The following CSMD1 variants were observed in gnomAD, a reference collection of about 807,000 sequenced individuals.
CSMD1 encodes CUB and Sushi multiple domains 1.
In CSMD1, 213 loss-of-function variants were observed where a neutral mutation model predicts 417.5. The ratio of observed to expected loss-of-function variants is 0.51; its 90% CI spans 0.46 to 0.57. CSMD1 has a LOEUF of 0.57. Ranked by LOEUF, CSMD1 falls within the 20% of genes least tolerant of loss-of-function variation. The probability of loss-of-function intolerance (pLI) is 0.00; values close to 1 mark genes in which losing one functional copy is unlikely to be tolerated. For missense variants in CSMD1, 6,923 were observed against 4,529.7 expected, an observed-to-expected ratio of 1.53 and a Z score of -15.17; for synonymous variants, 2,862 against 1,736.8, an observed-to-expected ratio of 1.65 and a Z score of -16.11.
At chr8:4,099,827 C>A (rs1801213919) in intron 3 of CSMD1, among the ~76,000 whole-genome samples, 1 of 152,142 alleles carries the variant, frequency 6.6e-6, no homozygotes, top group African/African-American at 2.4e-5. Context: ...ATTGTATCCA[C>A]ATCTTGCTCC....
chr8:4,020,733 T>C (rs185056909), intron 4 of CSMD1, among the ~76,000 whole-genome samples: 2 of 152,234 alleles, frequency 1.3e-5, no homozygotes, highest in Non-Finnish European at 2.9e-5. Context: ...TTCTGTAATC[T>C]TCATTCATTA....
chr8:3,887,868 G>C (rs942312539), intron 5 of CSMD1, among the ~76,000 whole-genome samples: 5 of 152,158 alleles, frequency 3.3e-5, no homozygotes, highest in African/African-American at 9.7e-5. Flanking sequence ...TCTTATTCAT[G>C]CTTTTATGTA....
chr8:3,544,968 C>T (rs1471444896), intron 10 of CSMD1, among the ~76,000 whole-genome samples: 1 of 150,994 alleles, frequency 6.6e-6, no homozygotes, highest in Non-Finnish European at 1.5e-5. Context: ...CATGTGTCAA[C>T]TTGATCCTTC....
At chr8:4,938,475 A>G (rs769863910) in intron 1 of CSMD1, among the ~76,000 whole-genome samples, 8 of 152,180 alleles carry the variant, frequency 5.3e-5, no homozygotes, top group Non-Finnish European at 8.8e-5. Context: ...ATTTTCACAA[A>G]TGGTTTGACA....
chr8:3,836,810 T>G (rs548020379), intron 5 of CSMD1, among the ~76,000 whole-genome samples: 1 of 152,318 alleles, frequency 6.6e-6, no homozygotes, highest in East Asian at 1.9e-4. Context: ...TCTCACAGTT[T>G]AAATAATTTT....
intron 10 of CSMD1, among the ~76,000 whole-genome samples, chr8:3,527,676 G>A (rs938006937): frequency 2.6e-5 from 4 of 152,106 alleles, no homozygotes; most frequent in African/African-American, 9.7e-5. Flanking sequence ...CCAATTTGCT[G>A]GCTCTGCTTT....
At chr8:4,548,230 T>A (rs1392027625) in intron 2 of CSMD1, among the ~76,000 whole-genome samples, 1 of 152,182 alleles carries the variant, frequency 6.6e-6, no homozygotes, top group Non-Finnish European at 1.5e-5. Context: ...ATAAAAAATG[T>A]ACGTTGAGTG....
chr8:3,926,825 C>T (rs190817713), intron 5 of CSMD1, among the ~76,000 whole-genome samples: 8 of 150,462 alleles, frequency 5.3e-5, no homozygotes, highest in Admixed American at 1.3e-4. Context: ...AAGCAATTCC[C>T]CTGCCTCAGA....
intron 3 of CSMD1, among the ~76,000 whole-genome samples, chr8:4,310,856 C>T (rs375926778): frequency 7.3e-4 from 111 of 152,300 alleles, no homozygotes; most frequent in African/African-American, 2.6e-3. Flanking sequence ...GAAATGCCTT[C>T]TTCTCAAAAG....
chr8:4,071,303 C>T (rs1215635290), intron 3 of CSMD1, among the ~76,000 whole-genome samples: 2 of 152,018 alleles, frequency 1.3e-5, no homozygotes, highest in African/African-American at 2.4e-5. Flanking sequence ...TCTCTATATT[C>T]TACTGATTAG....
chr8:4,113,756 G>A (rs1032698802), intron 3 of CSMD1, among the ~76,000 whole-genome samples: 2 of 152,118 alleles, frequency 1.3e-5, no homozygotes, highest in Admixed American at 6.5e-5. Context: ...AGCCTTATTG[G>A]TGAGATGGAG....
intron 1 of CSMD1, among the ~76,000 whole-genome samples, chr8:4,745,627 G>C (rs796337107): frequency 2.6e-4 from 40 of 152,302 alleles, no homozygotes; most frequent in African/African-American, 9.4e-4. Flanking sequence ...AGAATGTAGA[G>C]AGAGAGTAGA....
At position 2,950,274 on chromosome 8, in the gene CSMD1, A is replaced by G. The variant is rs754307971; in HGVS notation, c.10271T>C (p.Phe3424Ser). 2.5e-6 allele frequency: 4 copies of G among 1,613,442 alleles called. No individual in the cohort carries two copies. The highest frequency in any genetic ancestry group is 2.5e-6 in the Non-Finnish European group (3 of 1,179,432). The change falls in exon 67 of 70, where the codon TTT (phenylalanine) becomes TCT (serine). Residue 3424 changes from phenylalanine to serine, a missense_variant. Phe to Ser is a radical substitution (Grantham distance 155). Transcript: ENST00000635120. ...GTTGTCATTTTCGAACTTGCTTACA[A>G]AAATATCTGCCTGGCCTTTAATTTG... ...AFQIKGQADI[F>S]VSKFENDNWG...
chr8:4,419,333 T>C (rs764343483), intron 3 of CSMD1, among the ~76,000 whole-genome samples: 4 of 152,140 alleles, frequency 2.6e-5, no homozygotes, highest in Non-Finnish European at 5.9e-5. Context: ...TAAAACCTAA[T>C]ACTTGAAATG....
At chr8:4,948,070 T>G (rs1298388776) in intron 1 of CSMD1, among the ~76,000 whole-genome samples, 2 of 148,810 alleles carry the variant, frequency 1.3e-5, no homozygotes, top group East Asian at 1.9e-4. Context: ...TAGTAGAATT[T>G]CAAGAACATT....
At chr8:4,168,307 G>T (rs1204553541) in intron 3 of CSMD1, among the ~76,000 whole-genome samples, 2 of 151,682 alleles carry the variant, frequency 1.3e-5, no homozygotes, top group African/African-American at 4.8e-5. Context: ...GGCAGAAAGG[G>T]CTCCCTTGAG....
At chr8:4,296,546 T>A (rs1797694794) in intron 3 of CSMD1, among the ~76,000 whole-genome samples, 1 of 152,126 alleles carries the variant, frequency 6.6e-6, no homozygotes, top group South Asian at 2.1e-4. Flanking sequence ...TATTCACTAC[T>A]CATAATTCAG....
At chr8:3,239,280 A>C (rs141692945) in intron 26 of CSMD1, among the ~76,000 whole-genome samples, 4,842 of 152,310 alleles carry the variant, frequency 0.032, 236 homozygotes, top group African/African-American at 0.11. Context: ...TGACTAATAA[A>C]GGCCGGTCTG....
intron 5 of CSMD1, among the ~76,000 whole-genome samples, chr8:3,950,452 G>A (rs1811527509): frequency 6.6e-6 from 1 of 152,168 alleles, no homozygotes; most frequent in African/African-American, 2.4e-5. Flanking sequence ...TCCAACGCAT[G>A]AGTGGTTCAG....
Sources: allele counts gnomAD v4.1 joint callset (sites outside exome capture counted in the v4.1 genomes callset), GRCh38; gene constraint gnomAD v4.1.1; transcripts MANE v1.5; gene names NCBI Gene and HGNC (gene_info 2026-07-23, HGNC 2026-07-21).